The following MCCC1 variants were observed in gnomAD, a reference collection of about 807,000 sequenced individuals.
MCCC1 encodes methylcrotonoyl-CoA carboxylase subunit alpha, mitochondrial.
A neutral mutation model predicts 83.8 loss-of-function variants in MCCC1; 64 were observed. That is an observed-to-expected ratio of 0.76 (90% CI 0.62 to 0.94). The LOEUF is 0.94. MCCC1 is among the 40% of genes least tolerant of loss of function. MCCC1 has a pLI of 0.00. For synonymous variants in MCCC1, 322 were observed against 315.4 expected (o/e 1.02, Z -0.22); for missense variants, 807 against 904.7 (o/e 0.89, Z 1.39).
intron 1 of MCCC1, among the ~76,000 whole-genome samples, chr3:183,109,659 T>C (rs1211737397): frequency 6.6e-6 from 1 of 152,234 alleles, no homozygotes; most frequent in East Asian, 1.9e-4. Flanking sequence ...CCACTGTTGA[T>C]GGGCACCTAG....
intron 7 of MCCC1, 152 bp downstream of exon 7, chr3:183,070,847 C>G: frequency 1.1e-6 from 1 of 912,698 alleles, no homozygotes; most frequent in Non-Finnish European, 1.7e-6. Flanking sequence ...GCATACCATC[C>G]TACAATCAGT....
At chr3:183,055,269 G>A (rs985801586) in intron 8 of MCCC1, among the ~76,000 whole-genome samples, 2 of 151,964 alleles carry the variant, frequency 1.3e-5, no homozygotes, top group African/African-American at 2.4e-5. Context: ...AAAATTAGCC[G>A]GGTGTGGTGG....
At chr3:183,106,069 A>G (rs1267716886) in intron 1 of MCCC1, among the ~76,000 whole-genome samples, 1 of 101,246 alleles carries the variant, frequency 9.9e-6, no homozygotes, top group Non-Finnish European at 2.3e-5. Flanking sequence ...AGCCTGAGCA[A>G]CAGAGAGTCC....
intron 7 of MCCC1, among the ~76,000 whole-genome samples, chr3:183,069,467 CT>C (rs1716493251): frequency 6.6e-6 from 1 of 152,058 alleles, no homozygotes; most frequent in East Asian, 1.9e-4. Flanking sequence ...TTCAATGTAC[CT>C]TAGAAATGCC....
Position 183,017,329 on chromosome 3 carries a change from G to A in MCCC1, c.1986C>T (p.Val662=), listed in dbSNP as rs1404590784. The A allele has an allele frequency of 1.2e-6, 2 of 1,613,576 alleles. No individual in the cohort carries two copies. The highest frequency in any genetic ancestry group is 1.7e-6 in the Non-Finnish European group (2 of 1,180,006). The part of the protein sequence containing the change: ...PMTGTIEKVF[V]KAGDKVKAGD... ...CCGCTTTCACTTTGTCTCCAGCTTTGACAAACACCTTGAGATTCAGTGTGA... is the reference window on the plus strand; with the variant it reads ...CCGCTTTCACTTTGTCTCCAGCTTTAACAAACACCTTGAGATTCAGTGTGA... Residue 662 remains valine (V), a synonymous_variant, in exon 18 of 19, where the codon GTC becomes GTT. Transcript: ENST00000265594.
intron 3 of MCCC1, among the ~76,000 whole-genome samples, chr3:183,091,822 AG>A (rs1253738088): frequency 6.6e-6 from 1 of 152,146 alleles, no homozygotes; most frequent in Non-Finnish European, 1.5e-5. Flanking sequence ...GCGGATCACG[AG>A]GTCAGCAGAT....
chr3:183,099,317 G>A (rs1363586776), intron 1 of MCCC1, 35 bp downstream of exon 1: 3 of 1,564,036 alleles, frequency 1.9e-6, no homozygotes, highest in African/African-American at 1.4e-5. Flanking sequence ...CCTCGCTCCC[G>A]CCTCTGCCCA....
chr3:183,101,066 A>G (rs532579850), upstream of MCCC1, among the ~76,000 whole-genome samples: 202 of 152,326 alleles, frequency 1.3e-3, 1 homozygote, highest in Middle Eastern at 3.4e-3. Flanking sequence ...GGGTGTACTG[A>G]GTCCCCCAGC....
intron 1 of MCCC1, among the ~76,000 whole-genome samples, chr3:183,105,530 T>C (rs1301418879): frequency 6.6e-6 from 1 of 152,186 alleles, no homozygotes; most frequent in East Asian, 1.9e-4. Context: ...TGCTTATATA[T>C]GTAGAAATAT....
intron 14 of MCCC1, among the ~76,000 whole-genome samples, chr3:183,026,793 GACTC>G (rs1712645273): frequency 6.6e-6 from 1 of 152,180 alleles, no homozygotes; most frequent in Non-Finnish European, 1.5e-5. Context: ...CTGTCATCTT[GACTC>G]ACTAAATCTC....
intron 1 of MCCC1, among the ~76,000 whole-genome samples, chr3:183,106,602 G>A (rs1438308733): frequency 1.3e-5 from 2 of 151,908 alleles, no homozygotes; most frequent in African/African-American, 4.8e-5. Context: ...AGGTTCAAGC[G>A]ATTCTACTGC....
At chr3:183,017,167 A>T in intron 18 of MCCC1, 99 bp downstream of exon 18, 3 of 1,033,498 alleles carry the variant, frequency 2.9e-6, no homozygotes, top group Non-Finnish European at 3.0e-6. Context: ...ATGGCTTTTC[A>T]TATTTAAGGT....
rs1711715793 is a variant in MCCC1, at chr3:183,017,257, T to A, written c.2049+9A>T. 1 of 1,613,220 alleles carries A rather than the reference T, an allele frequency of 6.2e-7. No homozygotes were observed. The highest frequency in any genetic ancestry group is 2.2e-5 in the East Asian group (1 of 44,874). On this transcript the variant is annotated intron_variant, in intron 18 of 18. Coordinates refer to ENST00000265594, the MANE Select transcript of MCCC1 (RefSeq NM_020166.5). ...GTCCTCATAGCAAATGAACTCATGA[T>A]TTCCTTACCTCCATCTTCATGGCGA...
intron 4 of MCCC1, among the ~76,000 whole-genome samples, chr3:183,076,480 C>A (rs1433377447): frequency 6.6e-6 from 1 of 152,176 alleles, no homozygotes; most frequent in Non-Finnish European, 1.5e-5. Context: ...TATAAACATT[C>A]ACAGACAAGT....
chr3:183,078,686 T>C (rs999710276), intron 4 of MCCC1, among the ~76,000 whole-genome samples: 5 of 152,232 alleles, frequency 3.3e-5, no homozygotes, highest in Non-Finnish European at 2.9e-5. Flanking sequence ...GTTACTAGTC[T>C]CCTTTAACAG....
chr3:183,077,892 G>A (rs1477140128), intron 4 of MCCC1, among the ~76,000 whole-genome samples: 1 of 152,010 alleles, frequency 6.6e-6, no homozygotes, highest in Non-Finnish European at 1.5e-5. Flanking sequence ...TTCCTCTATT[G>A]AATTACTTTA....
intron 10 of MCCC1, among the ~76,000 whole-genome samples, chr3:183,043,519 C>A (rs1299093697): frequency 6.6e-6 from 1 of 152,248 alleles, no homozygotes; most frequent in African/African-American, 2.4e-5. Context: ...AGGACACTTA[C>A]ATCAGTCATC....
intron 7 of MCCC1, among the ~76,000 whole-genome samples, chr3:183,066,786 C>G (rs1716288255): frequency 6.6e-6 from 1 of 152,206 alleles, no homozygotes; most frequent in Non-Finnish European, 1.5e-5. Flanking sequence ...TAACAGAAGT[C>G]TGAAGTAATC....
intron 14 of MCCC1, among the ~76,000 whole-genome samples, chr3:183,030,416 C>T (rs963454158): frequency 6.6e-6 from 1 of 152,224 alleles, no homozygotes; most frequent in South Asian, 2.1e-4. Flanking sequence ...CACTACGCTG[C>T]TGGTGCCCTG....
Sources: gnomAD v4.1 joint callset for allele counts (sites outside exome capture counted in the v4.1 genomes callset) on GRCh38, gnomAD v4.1.1 for gene constraint, MANE v1.5 for transcripts, NCBI Gene and HGNC (gene_info 2026-07-23, HGNC 2026-07-21) for gene names.